Variants in PRKAR2B observed in about 807,000 individuals in gnomAD.
The protein encoded by PRKAR2B is cAMP-dependent protein kinase type II-beta regulatory subunit.
A neutral mutation model predicts 49.9 loss-of-function variants in PRKAR2B; 14 were observed. That is an observed-to-expected ratio of 0.28 (90% CI 0.19 to 0.44). The LOEUF (loss-of-function observed/expected upper bound fraction) is 0.44, where lower values mean the gene tolerates loss of function less well. PRKAR2B is among the 20% of genes least tolerant of loss of function. The pLI, the probability that PRKAR2B is intolerant of heterozygous loss-of-function variation, is 1.00. For synonymous variants in PRKAR2B, 196 were observed against 197.7 expected, an observed-to-expected ratio of 0.99 and a Z score of 0.07; for missense variants, 393 against 537.9, an observed-to-expected ratio of 0.73 and a Z score of 2.67.
chr7:107,100,642 T>C (rs1794941359), intron 2 of PRKAR2B, among the ~76,000 whole-genome samples: 1 of 152,212 alleles, frequency 6.6e-6, no homozygotes, highest in Non-Finnish European at 1.5e-5. Flanking sequence ...GTATACTTGA[T>C]GTCTCACAGA....
At chr7:107,135,614 C>A (rs994176859) in intron 4 of PRKAR2B, among the ~76,000 whole-genome samples, 1 of 152,002 alleles carries the variant, frequency 6.6e-6, no homozygotes, top group African/African-American at 2.4e-5. Context: ...AATACAATAC[C>A]ATTTATATTA....
intron 10 of PRKAR2B, among the ~76,000 whole-genome samples, chr7:107,158,348 C>T (rs1286358370): frequency 6.6e-6 from 1 of 151,906 alleles, no homozygotes; most frequent in African/African-American, 2.4e-5. Context: ...CTGAGAAATA[C>T]AGAAAATGTA....
Position 107,096,582 on chromosome 7 carries a change from A to G in PRKAR2B, c.344-25370A>G, listed in dbSNP as rs143848015. ...TGAATGTGTTTGGTCTTGCTTCTCTAGTTCTTTTAATTGTGATGTTAGGGT... is the reference window on the plus strand; with the variant it reads ...TGAATGTGTTTGGTCTTGCTTCTCTGGTTCTTTTAATTGTGATGTTAGGGT... On this transcript the variant is annotated intron_variant, in intron 2 of 10. Coordinates refer to ENST00000265717, the MANE Select transcript of PRKAR2B (RefSeq NM_002736.3). Among the ~76,000 whole-genome samples the G allele has an allele frequency of 6.5e-3, 976 of 150,824 alleles. 26 individuals carry two copies. The highest frequency in any genetic ancestry group is 0.049 in the East Asian group (250 of 5,086).
At chr7:107,096,358 A>G (rs962928766) in intron 2 of PRKAR2B, among the ~76,000 whole-genome samples, 3 of 151,638 alleles carry the variant, frequency 2.0e-5, no homozygotes, top group Non-Finnish European at 4.4e-5. Context: ...TATCCCCTTT[A>G]TCATTTTTTA....
intron 10 of PRKAR2B, among the ~76,000 whole-genome samples, chr7:107,158,420 A>G (rs1796136309): frequency 6.6e-6 from 1 of 152,168 alleles, no homozygotes; most frequent in Non-Finnish European, 1.5e-5. Context: ...TGTCCTTTTT[A>G]TTTGTGTGGG....
chr7:107,158,133 GC>G, intron 10 of PRKAR2B, among the ~76,000 whole-genome samples: 1 of 152,078 alleles, frequency 6.6e-6, no homozygotes, highest in South Asian at 2.1e-4. Context: ...TTAGAAACTG[GC>G]AGGTAATTTC....
Position 107,126,420 on chromosome 7 carries a change from C to CAAAAAAAAAAAAAAAAAA in PRKAR2B, c.397-1786_397-1769dup, listed in dbSNP as rs35682952. Among the ~76,000 whole-genome samples the CAAAAAAAAAAAAAAAAAA allele has an allele frequency of 1.5e-3, 56 of 38,400 alleles. 2 individuals carry two copies. The highest frequency in any genetic ancestry group is 4.9e-3 in the African/African-American group (47 of 9,544). 25.2% of individuals were successfully genotyped at this position (38,400 alleles called of 152,430 possible). A position where few individuals can be genotyped will look rare whatever the true frequency, so the allele number is the denominator to read the frequency against. ...TGGGCAACAGAGTGAGAATCTGTCT[C>CAAAAAAAAAAAAAAAAAA]AAAAAAAAAAAAAAAAAAAAAAAGT... On this transcript the variant is annotated intron_variant, in intron 3 of 10. Transcript: ENST00000265717.
At chr7:107,048,055 G>A (rs1793732046) in intron 1 of PRKAR2B, among the ~76,000 whole-genome samples, 2 of 152,194 alleles carry the variant, frequency 1.3e-5, no homozygotes, top group Non-Finnish European at 2.9e-5. Flanking sequence ...GAACGATAAG[G>A]CCATCACTTG....
chr7:107,082,016 CAT>C (rs1302455362), intron 2 of PRKAR2B: 1 of 151,504 alleles, frequency 6.6e-6, no homozygotes, highest in Non-Finnish European at 1.5e-5. Flanking sequence ...AGCAAATGCA[CAT>C]AGCTTTTATT....
intron 2 of PRKAR2B, among the ~76,000 whole-genome samples, chr7:107,085,925 CAAA>C (rs1024615413): frequency 1.3e-5 from 2 of 152,132 alleles, no homozygotes; most frequent in African/African-American, 4.8e-5. Context: ...ATTGCTTAAT[CAAA>C]GAAGCATGAA....
chr7:107,104,630 C>G (rs1158201732), intron 2 of PRKAR2B, among the ~76,000 whole-genome samples: 1 of 152,108 alleles, frequency 6.6e-6, no homozygotes, highest in Non-Finnish European at 1.5e-5. Context: ...GCTGTAGTTA[C>G]CTTATTTCTT....
At position 107,133,799 on chromosome 7, in the gene PRKAR2B, T is replaced by C. The variant is rs1225162586; in HGVS notation, c.480+5504T>C. 5 of 152,148 alleles carry C rather than the reference T, an allele frequency of 3.3e-5. No individual in the cohort carries two copies. In the East Asian group the frequency reaches 5.8e-4, roughly 18 times the overall value. 9.4% of individuals were successfully genotyped at this position (152,148 alleles called of 1,614,324 possible). On this transcript the variant is annotated intron_variant, in intron 4 of 10. Coordinates refer to ENST00000265717, the MANE Select transcript of PRKAR2B (RefSeq NM_002736.3). ...AGTTTTTTTAGTTAATTAAAAAATA[T>C]AAATCAGTATACATGTAAAATTGAC...
intron 1 of PRKAR2B, among the ~76,000 whole-genome samples, chr7:107,059,007 C>T (rs1237175229): frequency 6.6e-6 from 1 of 152,066 alleles, no homozygotes; most frequent in Non-Finnish European, 1.5e-5. Context: ...TTTTCCTGGC[C>T]ACGCACGGTG....
At chr7:107,065,591 T>C (rs1008140363) in intron 1 of PRKAR2B, among the ~76,000 whole-genome samples, 1 of 152,198 alleles carries the variant, frequency 6.6e-6, no homozygotes, top group East Asian at 1.9e-4. Context: ...TTTGAAGCCA[T>C]TGTATTTGAA....
Position 107,161,555 on chromosome 7 carries a change from T to C in PRKAR2B, c.*1973T>C, listed in dbSNP as rs1289899487. On this transcript the variant is annotated 3_prime_UTR_variant, in exon 11 of 11. Transcript: ENST00000265717. ...TTTTGCTTGTTTCTTTAAAGTTTTC[T>C]GACGTGCATAATGCATAATTCATTG... 6.6e-6 allele frequency: 1 copy of C among 152,668 alleles called. No homozygotes were observed. The highest frequency in any genetic ancestry group is 1.5e-5 in the Non-Finnish European group (1 of 68,040). 9.5% of individuals were successfully genotyped at this position (152,668 alleles called of 1,614,324 possible). A position where few individuals can be genotyped will look rare whatever the true frequency, so the allele number is the denominator to read the frequency against.
chr7:107,079,837 A>G (rs1002428890), intron 2 of PRKAR2B, among the ~76,000 whole-genome samples: 7 of 152,320 alleles, frequency 4.6e-5, no homozygotes, highest in African/African-American at 1.7e-4. Context: ...GAGGTCAAAG[A>G]AAAAATAGAA....
chr7:107,108,888 G>A (rs914972527), intron 2 of PRKAR2B, among the ~76,000 whole-genome samples: 1 of 152,142 alleles, frequency 6.6e-6, no homozygotes, highest in Admixed American at 6.6e-5. Context: ...GCTTTGCTCA[G>A]GAAACAATTC....
intron 2 of PRKAR2B, among the ~76,000 whole-genome samples, chr7:107,078,895 G>C (rs1274789138): frequency 6.6e-6 from 1 of 152,178 alleles, no homozygotes; most frequent in Non-Finnish European, 1.5e-5. Context: ...TTCAGGTTGG[G>C]GCATGGTGGG....
chr7:107,054,266 A>G (rs1207071562), intron 1 of PRKAR2B, among the ~76,000 whole-genome samples: 1 of 151,984 alleles, frequency 6.6e-6, no homozygotes, highest in African/African-American at 2.4e-5. Flanking sequence ...AGGCAGGAGA[A>G]TGGCGTGAAC....
Sources: gnomAD v4.1 joint callset for allele counts (sites outside exome capture counted in the v4.1 genomes callset) on GRCh38, gnomAD v4.1.1 for gene constraint, MANE v1.5 for transcripts, NCBI Gene and HGNC (gene_info 2026-07-23, HGNC 2026-07-21) for gene names.